The following GLG1 variants were observed in gnomAD, a reference collection of about 807,000 sequenced individuals.
The protein encoded by GLG1 is Golgi apparatus protein 1.
In GLG1, 38 loss-of-function variants were observed where a neutral mutation model predicts 160.5. The observed-to-expected ratio is 0.24, with a 90% confidence interval of 0.18 to 0.31. GLG1 has a LOEUF of 0.31. GLG1 is among the 10% of genes least tolerant of loss of function. The pLI is 1.00. For synonymous variants in GLG1, 644 were observed against 543.4 expected, an observed-to-expected ratio of 1.19 and a Z score of -2.57; for missense variants, 1,373 against 1,505.2, an observed-to-expected ratio of 0.91 and a Z score of 1.45.
intron 1 of GLG1, among the ~76,000 whole-genome samples, chr16:74,564,442 C>A (rs1024363252): frequency 9.2e-5 from 14 of 152,210 alleles, no homozygotes; most frequent in Non-Finnish European, 2.1e-4. Flanking sequence ...ATAGCAGTCT[C>A]CCTGCTGCAT....
At chr16:74,588,806 TC>T (rs1439778285) in intron 1 of GLG1, among the ~76,000 whole-genome samples, 5 of 152,284 alleles carry the variant, frequency 3.3e-5, no homozygotes, top group South Asian at 2.1e-4. Context: ...ATCTGTCATA[TC>T]TACCACACAT....
At chr16:74,492,889 A>C in intron 7 of GLG1, 68 bp downstream of exon 7, 1 of 897,530 alleles carries the variant, frequency 1.1e-6, no homozygotes, top group Non-Finnish European at 1.6e-6. Context: ...GTTTATATAT[A>C]TAAAGCTTTA....
At chr16:74,460,880 A>C (rs915335322) in intron 22 of GLG1, among the ~76,000 whole-genome samples, 2 of 152,266 alleles carry the variant, frequency 1.3e-5, no homozygotes, top group Non-Finnish European at 2.9e-5. Context: ...AACGCTTGAC[A>C]TTCACATAGG....
At chr16:74,472,871 G>T (rs2015255109) in intron 13 of GLG1, 3 of 261,698 alleles carry the variant, frequency 1.1e-5, no homozygotes, top group Middle Eastern at 3.0e-3. Context: ...TTTAAAGAGA[G>T]AAACCCGTGC....
At chr16:74,601,799 T>C (rs1296106121) in intron 1 of GLG1, among the ~76,000 whole-genome samples, 1 of 152,202 alleles carries the variant, frequency 6.6e-6, no homozygotes, top group East Asian at 1.9e-4. Flanking sequence ...TTTATAAACC[T>C]ATGGCATTCT....
At chr16:74,571,080 G>A (rs1032252675) in intron 1 of GLG1, among the ~76,000 whole-genome samples, 2 of 152,066 alleles carry the variant, frequency 1.3e-5, no homozygotes, top group Admixed American at 1.3e-4. Flanking sequence ...AAAAGTGCTT[G>A]TACACTGGAG....
At chr16:74,595,187 C>A (rs1451029846) in intron 1 of GLG1, among the ~76,000 whole-genome samples, 5 of 147,160 alleles carry the variant, frequency 3.4e-5, no homozygotes, top group Non-Finnish European at 6.0e-5. Context: ...GAATCCGTCT[C>A]AAAAAAAAAT....
chr16:74,584,597 G>A (rs963275694), intron 1 of GLG1, among the ~76,000 whole-genome samples: 1 of 152,014 alleles, frequency 6.6e-6, no homozygotes, highest in Admixed American at 6.6e-5. Flanking sequence ...TGGGGTAGAG[G>A]GTGGGAAGCG....
intron 1 of GLG1, among the ~76,000 whole-genome samples, chr16:74,573,531 T>C (rs964590634): frequency 1.1e-4 from 16 of 150,974 alleles, no homozygotes; most frequent in Admixed American, 6.6e-5. Flanking sequence ...TACTTATATA[T>C]CTAAAGCTGG....
intron 1 of GLG1, among the ~76,000 whole-genome samples, chr16:74,597,723 G>A (rs376249339): frequency 6.6e-6 from 1 of 151,880 alleles, no homozygotes; most frequent in African/African-American, 2.4e-5. Context: ...GCATGGTGGC[G>A]GGCGCCTGTA....
Position 74,452,184 on chromosome 16 carries a change from C to G in GLG1, c.*983G>C. The G allele has an allele frequency of 1.3e-6, 2 of 1,591,282 alleles. No homozygotes were observed. Among genetic ancestry groups the G allele is most frequent in the Non-Finnish European group, 1.7e-6 (2 of 1,168,488 alleles). On this transcript the variant is annotated 3_prime_UTR_variant, in exon 26 of 26. Coordinates refer to ENST00000422840, the MANE Select transcript of GLG1 (RefSeq NM_001145667.2). The stretch of plus-strand genomic sequence containing the variant: ...CCTCTGGCTCCCACTTCCTGACCCA[C>G]TGCTCCCCACACCCATCTTCAAGGA...
intron 2 of GLG1, among the ~76,000 whole-genome samples, chr16:74,524,389 C>T (rs928286565): frequency 6.6e-6 from 1 of 152,060 alleles, no homozygotes; most frequent in African/African-American, 2.4e-5. Flanking sequence ...ACGATGCTTG[C>T]TGTAGGCCTT....
At chr16:74,592,143 C>CTGATTGAT (rs568250091) in intron 1 of GLG1, among the ~76,000 whole-genome samples, 2 of 152,062 alleles carry the variant, frequency 1.3e-5, no homozygotes, top group African/African-American at 4.8e-5. Flanking sequence ...AATTTATTCA[C>CTGATTGAT]TGATTGATTG....
chr16:74,458,093 G>A, intron 23 of GLG1, 99 bp from the exon 24 acceptor site: 1 of 1,222,026 alleles, frequency 8.2e-7, no homozygotes, highest in Non-Finnish European at 1.2e-6. Context: ...AAGGGGGGAA[G>A]TTGAGGGCTA....
chr16:74,452,979 G>T lies in GLG1; in HGVS notation c.*188C>A. 7.7e-7 allele frequency: 1 copy of T among 1,302,412 alleles called. No individual in the cohort carries two copies. Among genetic ancestry groups the T allele is most frequent in the Non-Finnish European group, 9.7e-7 (1 of 1,026,052 alleles). 80.7% of individuals were successfully genotyped at this position (1,302,412 alleles called of 1,614,324 possible). On this transcript the variant is annotated 3_prime_UTR_variant, in exon 26 of 26. Transcript: ENST00000422840. ...CAGCGACCAGCTGCTGCTGCTGCAC[G>T]GTGAGGAGGAGGAGGACACCATGGA...
At chr16:74,550,812 G>C (rs1023280656) in intron 1 of GLG1, among the ~76,000 whole-genome samples, 2 of 152,130 alleles carry the variant, frequency 1.3e-5, no homozygotes, top group African/African-American at 4.8e-5. Context: ...TACAGAAACA[G>C]CTTTTGGAAT....
At chr16:74,578,878 T>C (rs1030069500) in intron 1 of GLG1, among the ~76,000 whole-genome samples, 1 of 152,218 alleles carries the variant, frequency 6.6e-6, no homozygotes, top group African/African-American at 2.4e-5. Context: ...CAAAATGACA[T>C]GGTCTCACAA....
At chr16:74,539,945 T>A (rs2017787233) in intron 1 of GLG1, among the ~76,000 whole-genome samples, 1 of 119,550 alleles carries the variant, frequency 8.4e-6, no homozygotes, top group South Asian at 2.6e-4. Context: ...AGAATATAGT[T>A]CATGGTTGAC....
At chr16:74,587,591 GGGCACGGT>G (rs1186726145) in intron 1 of GLG1, among the ~76,000 whole-genome samples, 1 of 152,160 alleles carries the variant, frequency 6.6e-6, no homozygotes, top group African/African-American at 2.4e-5. Context: ...TATTACGGCT[GGGCACGGT>G]GGCTCACGCC....
Sources: allele counts gnomAD v4.1 joint callset (sites outside exome capture counted in the v4.1 genomes callset), GRCh38; gene constraint gnomAD v4.1.1; transcripts MANE v1.5; gene names NCBI Gene and HGNC (gene_info 2026-07-23, HGNC 2026-07-21).